RYR2: variants seen among roughly 807,000 people sequenced by gnomAD.
RYR2 encodes the protein cardiac muscle ryanodine receptor-calcium release channel.
A neutral mutation model predicts 601.1 loss-of-function variants in RYR2; 227 were observed. That is an observed-to-expected ratio of 0.38 (90% CI 0.34 to 0.42). The LOEUF is 0.42. Ranked by LOEUF, RYR2 falls within the 10% of genes least tolerant of loss-of-function variation. The pLI, the probability that RYR2 is intolerant of heterozygous loss-of-function variation, is 1.00. For synonymous variants in RYR2, 2,223 were observed against 2,175.1 expected (o/e 1.02, Z -0.61); for missense variants, 4,646 against 6,156.5 (o/e 0.75, Z 8.21).
At chr1:237,656,236 T>C (rs963030061) in intron 53 of RYR2, among the ~76,000 whole-genome samples, 1 of 152,168 alleles carries the variant, frequency 6.6e-6, no homozygotes, top group Admixed American at 6.5e-5. Flanking sequence ...ATATCTATAA[T>C]AGAATTAAGA....
rs1180832214 is a variant in RYR2, at chr1:237,630,627, A to G, written c.6441-800A>G. On this transcript the variant is annotated intron_variant, in intron 41 of 104. Transcript: ENST00000366574. Reference sequence around the variant, plus strand: ...CTATTCTTGCTCTAGATCTAACAAGAAAATGTTTTATAGAAAAGACTCTTG... The same window carrying G: ...CTATTCTTGCTCTAGATCTAACAAGGAAATGTTTTATAGAAAAGACTCTTG... Among the ~76,000 whole-genome samples the G allele has an allele frequency of 2.0e-5, 3 of 152,288 alleles. No individual in the cohort carries two copies. In the East Asian group the frequency reaches 5.8e-4, roughly 29 times the overall value.
chr1:237,253,102 T>A lies in RYR2; in HGVS notation c.49-17395T>A, dbSNP rs576254986. Among the ~76,000 whole-genome samples the A allele has an allele frequency of 2.4e-4, 35 of 148,084 alleles. 1 individual carries two copies. The South Asian group carries it at 6.3e-3, about 27-fold the overall frequency. On this transcript the variant is annotated intron_variant, in intron 1 of 104. Transcript: ENST00000366574. ...ATCGCTTGTACCCGGAGAGGGAGAT[T>A]GCAGGGAGCTGAGATCGTGCCACTG...
rs574926278 is a variant in RYR2 at position 237,271,852 on chromosome 1, C to T, written c.168+1236C>T. Among the ~76,000 whole-genome samples the T allele has an allele frequency of 4.6e-5, 7 of 152,254 alleles. No individual in the cohort carries two copies. The South Asian group carries it at 1.5e-3, about 32-fold the overall frequency. On this transcript the variant is annotated intron_variant, in intron 2 of 104. Coordinates refer to ENST00000366574, the MANE Select transcript of RYR2 (RefSeq NM_001035.3). ...GCCAATGTGAAAACAGTAACCACTCCAGGCACGGTGTCTCATGCCTGTAGT... is the reference window on the plus strand; with the variant it reads ...GCCAATGTGAAAACAGTAACCACTCTAGGCACGGTGTCTCATGCCTGTAGT...
intron 1 of RYR2, among the ~76,000 whole-genome samples, chr1:237,155,873 A>T (rs1675272461): frequency 6.6e-6 from 1 of 152,198 alleles, no homozygotes; most frequent in Non-Finnish European, 1.5e-5. Context: ...CTCATTGTTC[A>T]ACCTCGTCAC....
chr1:237,476,621 T>C (rs6663929), intron 17 of RYR2, among the ~76,000 whole-genome samples: 75,392 of 150,880 alleles, frequency 0.5, 19,879 homozygotes, highest in East Asian at 0.7. Context: ...GTAAATAGGA[T>C]GGTTTAAGGC....
chr1:237,775,820 T>C (rs1314653241), intron 87 of RYR2, among the ~76,000 whole-genome samples: 1 of 152,138 alleles, frequency 6.6e-6, no homozygotes, highest in Non-Finnish European at 1.5e-5. Context: ...ACATACGTCA[T>C]GAGAAAAAGA....
At chr1:237,344,711 T>C (rs963160848) in intron 3 of RYR2, among the ~76,000 whole-genome samples, 35 of 152,356 alleles carry the variant, frequency 2.3e-4, no homozygotes, top group African/African-American at 7.0e-4. Context: ...ATTTTATACA[T>C]TTTATTTACA....
At chr1:237,208,965 T>TA in intron 1 of RYR2, among the ~76,000 whole-genome samples, 1 of 107,006 alleles carries the variant, frequency 9.3e-6, no homozygotes, top group South Asian at 3.9e-4. Flanking sequence ...TATATATATA[T>TA]ATATATATAT....
chr1:237,169,379 A>G (rs1005523501), intron 1 of RYR2, among the ~76,000 whole-genome samples: 12 of 151,274 alleles, frequency 7.9e-5, no homozygotes, highest in African/African-American at 2.9e-4. Context: ...GCTCACTGCA[A>G]CCTCCACCTC....
chr1:237,644,857 C>T (rs528885055), intron 48 of RYR2, among the ~76,000 whole-genome samples: 82 of 152,018 alleles, frequency 5.4e-4, no homozygotes, highest in Non-Finnish European at 1.0e-3. Context: ...CATGGCAAAA[C>T]CCCATCTCTA....
At chr1:237,401,613 C>T (rs749066610) in intron 10 of RYR2, among the ~76,000 whole-genome samples, 12 of 152,206 alleles carry the variant, frequency 7.9e-5, no homozygotes, top group Non-Finnish European at 1.8e-4. Flanking sequence ...CCTCTTAGCA[C>T]ATAAATGTGT....
intron 24 of RYR2, among the ~76,000 whole-genome samples, chr1:237,521,784 T>C (rs916738763): frequency 7.9e-5 from 12 of 152,092 alleles, no homozygotes; most frequent in African/African-American, 2.9e-4. Context: ...TTCATTGCTT[T>C]TAAGTTAAAT....
At chr1:237,519,660 G>C (rs957001818) in intron 24 of RYR2, among the ~76,000 whole-genome samples, 1 of 152,100 alleles carries the variant, frequency 6.6e-6, no homozygotes, top group African/African-American at 2.4e-5. Flanking sequence ...TTTTCTACCA[G>C]TACCATGCTG....
intron 25 of RYR2, 44 bp from the exon 26 acceptor site, chr1:237,548,387 G>A: frequency 6.3e-7 from 1 of 1,596,660 alleles, no homozygotes. Flanking sequence ...AGATTTTTAT[G>A]AAAAGGCCAA....
intron 84 of RYR2, among the ~76,000 whole-genome samples, chr1:237,761,496 T>A (rs1693432004): frequency 6.6e-6 from 1 of 152,186 alleles, no homozygotes; most frequent in Non-Finnish European, 1.5e-5. Context: ...AGCACAGTGA[T>A]CCTCAAATCC....
At chr1:237,485,194 A>G (rs1020736448) in intron 17 of RYR2, among the ~76,000 whole-genome samples, 1 of 152,228 alleles carries the variant, frequency 6.6e-6, no homozygotes, top group Non-Finnish European at 1.5e-5. Flanking sequence ...AATTCTCCAG[A>G]TATAAAGTAT....
At chr1:237,117,671 C>CT (rs149106840) in intron 1 of RYR2, among the ~76,000 whole-genome samples, 15 of 64,530 alleles carry the variant, frequency 2.3e-4, no homozygotes, top group East Asian at 9.6e-4. Context: ...CTCTTCTCTT[C>CT]CTTCTCTTCT....
intron 27 of RYR2, 117 bp from the exon 28 acceptor site, chr1:237,566,450 G>T (rs199498906): frequency 3.0e-6 from 3 of 1,016,634 alleles, no homozygotes; most frequent in African/African-American, 3.2e-5. Flanking sequence ...TATCATCATC[G>T]CTCTAGGTTG....
rs532633908 is a variant in RYR2, at chr1:237,264,707, T to G, written c.49-5790T>G. Among the ~76,000 whole-genome samples the G allele has an allele frequency of 2.6e-5, 4 of 151,750 alleles. No individual in the cohort carries two copies. In the South Asian group the frequency reaches 8.3e-4, roughly 32 times the overall value. On this transcript the variant is annotated intron_variant, in intron 1 of 104. Coordinates refer to ENST00000366574, the MANE Select transcript of RYR2 (RefSeq NM_001035.3). The stretch of plus-strand genomic sequence containing the variant: ...TTTTTATTATTATTATTATTTTTTT[T>G]TTTTTGAGACGGAGTCTTGCTCTTG...
Sources: allele counts gnomAD v4.1 joint callset (sites outside exome capture counted in the v4.1 genomes callset), GRCh38; gene constraint gnomAD v4.1.1; transcripts MANE v1.5; gene names NCBI Gene and HGNC (gene_info 2026-07-23, HGNC 2026-07-21).